MAPK8: variants seen among roughly 807,000 people sequenced by gnomAD.
MAPK8 encodes JUN N-terminal kinase.
In MAPK8, 13 loss-of-function variants were observed where a neutral mutation model predicts 52.9. The observed-to-expected ratio is 0.25, with a 90% CI of 0.16 to 0.39. The LOEUF (loss-of-function observed/expected upper bound fraction) is 0.39, where lower values mean the gene tolerates loss of function less well. Ranked by LOEUF, MAPK8 falls within the 10% of genes least tolerant of loss-of-function variation. MAPK8 has a pLI of 1.00. For missense variants in MAPK8, 300 were observed against 519.2 expected, an observed-to-expected ratio of 0.58 and a Z score of 4.10; for synonymous variants, 191 against 169.8, an observed-to-expected ratio of 1.12 and a Z score of -0.97.
chr10:48,434,208 T>A (rs1213166295), intron 11 of MAPK8, among the ~76,000 whole-genome samples: 1 of 152,230 alleles, frequency 6.6e-6, no homozygotes, highest in Non-Finnish European at 1.5e-5. Flanking sequence ...ATATTTCTGC[T>A]TATCAAGTAT....
chr10:48,324,310 G>A lies in MAPK8; in HGVS notation c.-50+17489G>A, dbSNP rs143656459. ...CTCTTGTGAAGGTGTTTTCGTGCAT[G>A]GATAGTGTTCAAATTGATGTTTCTG... On this transcript the variant is annotated intron_variant, in intron 1 of 11. Transcript: ENST00000374189. Among the ~76,000 whole-genome samples, 8 of 152,252 alleles carry A rather than the reference G, an allele frequency of 5.3e-5. No homozygotes were observed. The East Asian group carries it at 1.5e-3, about 29-fold the overall frequency.
chr10:48,334,673 G>C (rs1157292310), intron 1 of MAPK8, among the ~76,000 whole-genome samples: 1 of 152,098 alleles, frequency 6.6e-6, no homozygotes, highest in Admixed American at 6.5e-5. Context: ...CTTTTCGGCC[G>C]GAGTCTGACT....
intron 1 of MAPK8, among the ~76,000 whole-genome samples, chr10:48,334,885 C>G (rs1445658184): frequency 6.6e-6 from 1 of 152,170 alleles, no homozygotes; most frequent in Non-Finnish European, 1.5e-5. Context: ...GCACGCAAGT[C>G]TCTCCCCCAT....
At chr10:48,376,395 G>A (rs2921271) in intron 1 of MAPK8, among the ~76,000 whole-genome samples, 108,240 of 151,916 alleles carry the variant, frequency 0.71, 38,848 homozygotes, top group Middle Eastern at 0.81. Context: ...AATGGTATCT[G>A]ATTAAAGAGT....
At position 48,389,419 on chromosome 10, in the gene MAPK8, C is replaced by T. The variant is rs989809220; in HGVS notation, c.-49-12193C>T. Among the ~76,000 whole-genome samples the T allele has an allele frequency of 2.0e-5, 3 of 152,156 alleles. No homozygotes were observed. In the East Asian group the frequency reaches 5.8e-4, roughly 29 times the overall value. On this transcript the variant is annotated intron_variant, in intron 1 of 11. Coordinates refer to ENST00000374189, the MANE Select transcript of MAPK8 (RefSeq NM_001323329.2). ...GCCTCTTGAAGAAGCACTTACTCAG[C>T]GGATCCTGTAACATGTGGTTCTGCC...
chr10:48,407,067 TATTAA>T (rs1424478608), intron 3 of MAPK8, among the ~76,000 whole-genome samples: 1 of 152,230 alleles, frequency 6.6e-6, no homozygotes, highest in African/African-American at 2.4e-5. Flanking sequence ...TGTTTCTCCC[TATTAA>T]ATTTCAAAGG....
intron 8 of MAPK8, 138 bp downstream of exon 8, chr10:48,426,208 G>C: frequency 1.1e-6 from 1 of 951,814 alleles, no homozygotes; most frequent in Non-Finnish European, 1.5e-6. Context: ...AAAAAAATGA[G>C]GTTTTTGTTT....
chr10:48,315,446 A>G (rs1842400304), intron 1 of MAPK8, among the ~76,000 whole-genome samples: 1 of 152,122 alleles, frequency 6.6e-6, no homozygotes, highest in South Asian at 2.1e-4. Context: ...TACTGTTAGG[A>G]TTTCTTTGTA....
At chr10:48,376,909 C>G (rs533578230) in intron 1 of MAPK8, among the ~76,000 whole-genome samples, 3 of 152,152 alleles carry the variant, frequency 2.0e-5, no homozygotes, top group Admixed American at 6.5e-5. Flanking sequence ...TATAAAGACA[C>G]ATGCACATGT....
chr10:48,399,059 C>G (rs1479862052), intron 1 of MAPK8, among the ~76,000 whole-genome samples: 1 of 152,174 alleles, frequency 6.6e-6, no homozygotes, highest in Non-Finnish European at 1.5e-5. Context: ...CTGGTTGACT[C>G]ATATTCAGTG....
At chr10:48,350,510 ACAAAAACCACAT>A (rs1846207256) in intron 1 of MAPK8, among the ~76,000 whole-genome samples, 1 of 152,244 alleles carries the variant, frequency 6.6e-6, no homozygotes, top group Non-Finnish European at 1.5e-5. Context: ...AGAACCAATG[ACAAAAACCACAT>A]GATTATCTCA....
At chr10:48,346,343 A>G (rs1413353904) in intron 1 of MAPK8, among the ~76,000 whole-genome samples, 1 of 152,206 alleles carries the variant, frequency 6.6e-6, no homozygotes, top group Non-Finnish European at 1.5e-5. Context: ...GGCCATACAG[A>G]GATAGGAGCT....
At chr10:48,409,179 A>G (rs1003465643) in intron 3 of MAPK8, among the ~76,000 whole-genome samples, 3 of 152,182 alleles carry the variant, frequency 2.0e-5, no homozygotes, top group African/African-American at 7.2e-5. Flanking sequence ...CAAGCTGTTT[A>G]TAGCACAGGG....
chr10:48,353,648 G>A (rs1476928851), intron 1 of MAPK8, among the ~76,000 whole-genome samples: 1 of 152,148 alleles, frequency 6.6e-6, no homozygotes, highest in Non-Finnish European at 1.5e-5. Context: ...AAATCTCTGG[G>A]ACATTTGTGA....
chr10:48,347,106 G>A (rs115200388), intron 1 of MAPK8, among the ~76,000 whole-genome samples: 4 of 151,886 alleles, frequency 2.6e-5, no homozygotes, highest in Admixed American at 6.6e-5. Context: ...TCTCGTTGCC[G>A]CACACAGGGA....
At chr10:48,422,568 A>G (rs1467758057) in intron 6 of MAPK8, among the ~76,000 whole-genome samples, 2 of 152,188 alleles carry the variant, frequency 1.3e-5, no homozygotes, top group African/African-American at 4.8e-5. Context: ...AGCTTTTCTG[A>G]AAGTTACCAA....
Position 48,367,836 on chromosome 10 carries a change from A to G in MAPK8, c.-49-33776A>G, listed in dbSNP as rs561267866. Among the ~76,000 whole-genome samples the G allele has an allele frequency of 2.0e-4, 30 of 152,350 alleles. No individual in the cohort carries two copies. In the East Asian group the frequency reaches 2.1e-3, roughly 11 times the overall value. The stretch of plus-strand genomic sequence containing the variant: ...ATTTGAACACTTGGAGATAGTGGAA[A>G]AGGGCATTTCACATAAGGGGACAGA... On this transcript the variant is annotated intron_variant, in intron 1 of 11. Coordinates refer to ENST00000374189, the MANE Select transcript of MAPK8 (RefSeq NM_001323329.2).
chr10:48,320,342 ATCC>A (rs1366635533), intron 1 of MAPK8, among the ~76,000 whole-genome samples: 1 of 148,840 alleles, frequency 6.7e-6, no homozygotes. Flanking sequence ...GGCTGAAGCA[ATCC>A]TCCTGCCTCA....
chr10:48,405,282 G>A (rs1164463705), intron 3 of MAPK8, among the ~76,000 whole-genome samples: 1 of 152,108 alleles, frequency 6.6e-6, no homozygotes, highest in African/African-American at 2.4e-5. Flanking sequence ...CTCATCTTCT[G>A]CTTTTTGTTC....
Sources: gnomAD v4.1 joint callset for allele counts (sites outside exome capture counted in the v4.1 genomes callset) on GRCh38, gnomAD v4.1.1 for gene constraint, MANE v1.5 for transcripts, NCBI Gene and HGNC (gene_info 2026-07-23, HGNC 2026-07-21) for gene names.